Variants in ADCY2 observed in about 807,000 individuals in gnomAD.
ADCY2 encodes the protein adenylate cyclase type 2.
Under a neutral mutation model 125.2 loss-of-function variants are expected in ADCY2, and 31 were observed. The observed-to-expected ratio is 0.25, with a 90% CI of 0.19 to 0.33. The LOEUF (loss-of-function observed/expected upper bound fraction) is 0.33, where lower values mean the gene tolerates loss of function less well. Ranked by LOEUF, ADCY2 falls within the 10% of genes least tolerant of loss-of-function variation. The pLI is 1.00. For synonymous variants in ADCY2, 512 were observed against 548.4 expected (o/e 0.93, Z 0.93); for missense variants, 904 against 1,418.2 (o/e 0.64, Z 5.82).
intron 2 of ADCY2, among the ~76,000 whole-genome samples, chr5:7,460,608 A>C (rs1055370849): frequency 6.6e-6 from 1 of 152,226 alleles, no homozygotes; most frequent in African/African-American, 2.4e-5. Flanking sequence ...TCTTACAAGC[A>C]ATCTTCAAAA....
At position 7,396,926 on chromosome 5, in the gene ADCY2, C is replaced by A. The variant is rs1739073490; in HGVS notation, c.210+420C>A. 6.6e-6 allele frequency among the ~76,000 whole-genome samples: 1 copy of A among 152,206 alleles called. No homozygotes were observed. The highest frequency in any genetic ancestry group is 6.5e-5 in the Admixed American group (1 of 15,284). The stretch of plus-strand genomic sequence containing the variant: ...TCCTGCCCGGTTCCACTGGCATGGC[C>A]CCACAGTTGGCATTTTAGTTGGGAT... On this transcript the variant is annotated intron_variant, in intron 1 of 24. Transcript: ENST00000338316. This position sits in a 1 kb window ranked among gnomAD's most constrained non-coding sequence, Gnocchi z 5.7.
At chr5:7,479,895 A>C (rs1742665752) in intron 2 of ADCY2, among the ~76,000 whole-genome samples, 1 of 152,194 alleles carries the variant, frequency 6.6e-6, no homozygotes, top group Admixed American at 6.5e-5. Context: ...AATAATGACC[A>C]GTTCCTTAAA....
intron 4 of ADCY2, among the ~76,000 whole-genome samples, chr5:7,668,088 A>G (rs1207683706): frequency 6.6e-6 from 1 of 152,238 alleles, no homozygotes; most frequent in Non-Finnish European, 1.5e-5. Flanking sequence ...TATGTGCTTC[A>G]TTATTTAAGT....
At chr5:7,825,630 T>C (rs376629894) in intron 24 of ADCY2, among the ~76,000 whole-genome samples, 18 of 152,202 alleles carry the variant, frequency 1.2e-4, no homozygotes, top group Non-Finnish European at 2.1e-4. Flanking sequence ...CAAACTCAGA[T>C]ACCTGCTAGG....
intron 4 of ADCY2, among the ~76,000 whole-genome samples, chr5:7,631,492 C>T (rs1464897183): frequency 2.0e-5 from 3 of 152,152 alleles, no homozygotes; most frequent in Non-Finnish European, 4.4e-5. Context: ...GTTGGTTTTG[C>T]ATGGGTTTTC....
intron 2 of ADCY2, among the ~76,000 whole-genome samples, chr5:7,480,288 G>T (rs1300240545): frequency 6.6e-6 from 1 of 152,098 alleles, no homozygotes; most frequent in Non-Finnish European, 1.5e-5. Context: ...TCCATTATAA[G>T]GACACATGTA....
intron 2 of ADCY2, among the ~76,000 whole-genome samples, chr5:7,514,131 T>C (rs1234142751): frequency 6.6e-6 from 1 of 152,168 alleles, no homozygotes; most frequent in Non-Finnish European, 1.5e-5. Context: ...CATCTTTTAA[T>C]CTATGATTGG....
At chr5:7,646,231 A>G (rs1051788542) in intron 4 of ADCY2, among the ~76,000 whole-genome samples, 6 of 152,016 alleles carry the variant, frequency 3.9e-5, no homozygotes, top group African/African-American at 1.4e-4. Flanking sequence ...CAAGAATAAC[A>G]AAGCCAGAAA....
At chr5:7,632,144 G>A (rs774964988) in intron 4 of ADCY2, among the ~76,000 whole-genome samples, 3 of 152,154 alleles carry the variant, frequency 2.0e-5, no homozygotes, top group Non-Finnish European at 2.9e-5. Flanking sequence ...TGTCACGCCT[G>A]AGCTTTGAGG....
intron 4 of ADCY2, among the ~76,000 whole-genome samples, chr5:7,679,694 G>A (rs1740264994): frequency 6.6e-6 from 1 of 152,194 alleles, no homozygotes; most frequent in Non-Finnish European, 1.5e-5. Context: ...CTGGGCACAT[G>A]GGCAGATATT....
chr5:7,444,750 T>A (rs1260433922), intron 2 of ADCY2, among the ~76,000 whole-genome samples: 4 of 152,186 alleles, frequency 2.6e-5, no homozygotes, highest in African/African-American at 9.7e-5. Flanking sequence ...TCCCCAGTAG[T>A]GCCTAACAGT....
At chr5:7,743,590 C>A in intron 14 of ADCY2, 78 bp from the exon 15 acceptor site, 1 of 1,365,624 alleles carries the variant, frequency 7.3e-7, no homozygotes, top group East Asian at 2.3e-5. Context: ...CCTCGTTAAC[C>A]CAAAAGTATT....
chr5:7,716,455 G>A (rs1020050905), intron 11 of ADCY2, among the ~76,000 whole-genome samples: 8 of 152,212 alleles, frequency 5.3e-5, no homozygotes, highest in African/African-American at 1.9e-4. Context: ...TCCTAGGAGA[G>A]AAAGTTACTT....
At chr5:7,507,158 A>C (rs1371350872) in intron 2 of ADCY2, among the ~76,000 whole-genome samples, 1 of 150,600 alleles carries the variant, frequency 6.6e-6, no homozygotes, top group Non-Finnish European at 1.5e-5. Flanking sequence ...AATGGTAACA[A>C]AGGCCGGGCG....
At chr5:7,701,301 G>A (rs894015273) in intron 7 of ADCY2, among the ~76,000 whole-genome samples, 1 of 152,080 alleles carries the variant, frequency 6.6e-6, no homozygotes. Flanking sequence ...CTAAAGCCTT[G>A]TTTCTGCTTT....
intron 2 of ADCY2, among the ~76,000 whole-genome samples, chr5:7,453,923 T>A (rs1561034532): frequency 5.9e-5 from 9 of 152,184 alleles, no homozygotes; most frequent in Admixed American, 5.2e-4. Flanking sequence ...AATGCACCTG[T>A]GTGAGCCCAC....
chr5:7,412,024 G>A (rs951770141), intron 1 of ADCY2, among the ~76,000 whole-genome samples: 14 of 151,342 alleles, frequency 9.3e-5, no homozygotes, highest in Non-Finnish European at 2.1e-4. Context: ...GCAGTGAGCC[G>A]AGATCCCGCC....
chr5:7,566,214 C>T (rs908769733), intron 3 of ADCY2, among the ~76,000 whole-genome samples: 5 of 152,118 alleles, frequency 3.3e-5, no homozygotes, highest in East Asian at 1.9e-4. Context: ...CTGCGCTGGG[C>T]GCAGTGGCTT....
At chr5:7,590,723 A>G (rs920902942) in intron 3 of ADCY2, among the ~76,000 whole-genome samples, 1 of 152,218 alleles carries the variant, frequency 6.6e-6, no homozygotes, top group African/African-American at 2.4e-5. Flanking sequence ...AGTAATGAAC[A>G]TTATGGTGTG....
Sources: gnomAD v4.1 joint callset for allele counts (sites outside exome capture counted in the v4.1 genomes callset) on GRCh38, gnomAD v4.1.1 for gene constraint, Gnocchi (gnomAD v3.1) non-coding constraint, MANE v1.5 for transcripts, NCBI Gene and HGNC (gene_info 2026-07-23, HGNC 2026-07-21) for gene names.